Variants in SORCS2 observed in about 807,000 individuals in gnomAD.
SORCS2 encodes the protein sortilin related VPS10 domain containing receptor 2.
A neutral mutation model predicts 141.6 loss-of-function variants in SORCS2; 100 were observed. That is an observed-to-expected ratio of 0.71 (90% CI 0.60 to 0.83). SORCS2 has a LOEUF of 0.83. SORCS2 is among the 40% of genes least tolerant of loss of function. The pLI, the probability that SORCS2 is intolerant of heterozygous loss-of-function variation, is 0.00. For synonymous variants in SORCS2, 789 were observed against 676.9 expected (o/e 1.17, Z -2.57); for missense variants, 1,646 against 1,560.2 (o/e 1.05, Z -0.93).
In SORCS2 at chr4:7,648,549, C is replaced by A. The variant is rs1291122084; in HGVS notation, c.814-5585C>A. 6.6e-6 allele frequency among the ~76,000 whole-genome samples: 1 copy of A among 152,128 alleles called. No homozygotes were observed. The highest frequency in any genetic ancestry group is 1.5e-5 in the Non-Finnish European group (1 of 68,016). Reference sequence around the variant, plus strand: ...AACTGCTGGGAACAAAACAGACCAACCCCTGCCCTCGTGGGGCCTCCTTTC... The same window carrying A: ...AACTGCTGGGAACAAAACAGACCAAACCCTGCCCTCGTGGGGCCTCCTTTC... On this transcript the variant is annotated intron_variant, in intron 4 of 26. Transcript: ENST00000507866. This position sits in a 1 kb window ranked among gnomAD's most constrained non-coding sequence, Gnocchi z 4.2.
In SORCS2 at chr4:7,453,514, C is replaced by T. The variant is rs1728630818; in HGVS notation, c.548+57159C>T. ...TCAGGCTCCATGTTAGTGTCATGCG[C>T]CACGTTAGGGTCAGGCACTGTGTTG... On this transcript the variant is annotated intron_variant, in intron 2 of 26. Coordinates refer to ENST00000507866, the MANE Select transcript of SORCS2 (RefSeq NM_020777.3). Among the ~76,000 whole-genome samples the T allele has an allele frequency of 2.9e-5, 4 of 138,756 alleles. No homozygotes were observed. The South Asian group carries it at 9.4e-4, about 33-fold the overall frequency. The allele number at this position is 138,756 out of a possible 152,430, so 91.0% of individuals were successfully genotyped here. A position where few individuals can be genotyped will look rare whatever the true frequency, so the allele number is the denominator to read the frequency against.
At chr4:7,651,717 G>A (rs758866840) in intron 4 of SORCS2, among the ~76,000 whole-genome samples, 43 of 152,084 alleles carry the variant, frequency 2.8e-4, no homozygotes, top group African/African-American at 9.9e-4. Flanking sequence ...TTTTCCCTCC[G>A]CACCCTCCCC....
intron 20 of SORCS2, among the ~76,000 whole-genome samples, chr4:7,725,671 G>A (rs1479358861): frequency 1.3e-5 from 2 of 152,184 alleles, no homozygotes; most frequent in Non-Finnish European, 2.9e-5. Flanking sequence ...AGGTCAAGGG[G>A]GCTCAGAAGC....
intron 14 of SORCS2, among the ~76,000 whole-genome samples, chr4:7,706,092 G>C (rs1489261544): frequency 1.4e-5 from 2 of 143,440 alleles, no homozygotes; most frequent in Non-Finnish European, 3.1e-5. Flanking sequence ...CCTGGACAGA[G>C]ATGAGGCTGG....
At chr4:7,627,743 C>T (rs1004062364) in intron 3 of SORCS2, among the ~76,000 whole-genome samples, 2 of 152,240 alleles carry the variant, frequency 1.3e-5, no homozygotes, top group African/African-American at 4.8e-5. Flanking sequence ...CCTCGGTCCA[C>T]ACAAGAGAAG....
chr4:7,458,288 A>G (rs750997518), intron 2 of SORCS2, among the ~76,000 whole-genome samples: 6 of 151,968 alleles, frequency 3.9e-5, no homozygotes, highest in Non-Finnish European at 8.8e-5. Context: ...GGTACTCACT[A>G]CTGTAGGTAC....
chr4:7,452,670 C>T (rs375989089), intron 2 of SORCS2, among the ~76,000 whole-genome samples: 11 of 152,248 alleles, frequency 7.2e-5, no homozygotes, highest in African/African-American at 2.7e-4. Context: ...CAGCAGCTGG[C>T]TTACCACTCT....
rs761193629 is a variant in SORCS2, at chr4:7,715,266, C to T, written c.2207C>T (p.Pro736Leu). The change falls in exon 17 of 27, where the codon CCG (proline) becomes CTG (leucine). Residue 736 changes from proline (P) to leucine (L), a missense_variant. By Grantham distance (98) the Pro-to-Leu change is moderately conservative. Coordinates refer to ENST00000507866, the MANE Select transcript of SORCS2 (RefSeq NM_020777.3). The stretch of plus-strand genomic sequence containing the variant: ...AACTTCTGGTTTAACCCATTGTCCC[C>T]GCCTGACGACTGTGCCCTGGGCCAG... ...SANFWFNPLS[P>L]PDDCALGQTY... 33 of 1,613,292 alleles carry T rather than the reference C, an allele frequency of 2.0e-5. No homozygotes were observed. Among genetic ancestry groups the T allele is most frequent in the South Asian group, 5.5e-5 (5 of 91,034 alleles).
intron 1 of SORCS2, among the ~76,000 whole-genome samples, chr4:7,244,207 CA>C (rs1287473561): frequency 2.0e-5 from 3 of 152,250 alleles, no homozygotes; most frequent in Non-Finnish European, 4.4e-5. Flanking sequence ...TTGGAGCTGA[CA>C]ACTCCCAGCT....
intron 3 of SORCS2, among the ~76,000 whole-genome samples, chr4:7,617,287 A>C (rs1180963233): frequency 1.3e-5 from 2 of 151,658 alleles, no homozygotes; most frequent in Non-Finnish European, 2.9e-5. Context: ...TTATCCATCC[A>C]CCCACCTATC....
At chr4:7,332,988 T>C (rs992858700) in intron 1 of SORCS2, among the ~76,000 whole-genome samples, 2 of 152,232 alleles carry the variant, frequency 1.3e-5, no homozygotes, top group South Asian at 4.1e-4. Context: ...AGGGTTAGAA[T>C]AGGTGTTCCA....
At chr4:7,707,338 C>A (rs1338024364) in intron 14 of SORCS2, among the ~76,000 whole-genome samples, 2 of 152,124 alleles carry the variant, frequency 1.3e-5, no homozygotes, top group Non-Finnish European at 1.5e-5. Context: ...CAGCTCCTGG[C>A]CAAGGAGGAT....
intron 2 of SORCS2, among the ~76,000 whole-genome samples, chr4:7,491,831 G>C (rs1056320162): frequency 6.6e-6 from 1 of 152,200 alleles, no homozygotes; most frequent in Non-Finnish European, 1.5e-5. Flanking sequence ...CAGGTCAGGA[G>C]GGGTAGAACT....
intron 1 of SORCS2, among the ~76,000 whole-genome samples, chr4:7,392,599 C>T (rs1035449907): frequency 2.0e-5 from 3 of 152,080 alleles, no homozygotes; most frequent in Admixed American, 2.0e-4. Context: ...TTCGGGAATT[C>T]CAAAGAAGCT....
intron 12 of SORCS2, 56 bp from the exon 13 acceptor site, chr4:7,703,224 G>C (rs902771020): frequency 2.1e-6 from 3 of 1,459,138 alleles, no homozygotes; most frequent in Non-Finnish European, 2.8e-6. Context: ...GCTCAGCCTG[G>C]AACAACCTCC....
At chr4:7,726,262 A>G (rs1727213292) in intron 20 of SORCS2, among the ~76,000 whole-genome samples, 1 of 152,104 alleles carries the variant, frequency 6.6e-6, no homozygotes, top group East Asian at 1.9e-4. Flanking sequence ...GGCCTCCTAA[A>G]TGCCCGTGGG....
intron 1 of SORCS2, among the ~76,000 whole-genome samples, chr4:7,350,542 G>A (rs578050527): frequency 6.6e-6 from 1 of 152,344 alleles, no homozygotes; most frequent in South Asian, 2.1e-4. Flanking sequence ...CACCTAGCAT[G>A]CTGATGGGGT....
At chr4:7,247,655 T>C (rs2108800553) in intron 1 of SORCS2, among the ~76,000 whole-genome samples, 1 of 152,272 alleles carries the variant, frequency 6.6e-6, no homozygotes, top group Middle Eastern at 3.4e-3. Context: ...TTTTGGTGGA[T>C]GTCAAAGCCA....
chr4:7,554,567 A>G (rs1713965160), intron 3 of SORCS2, among the ~76,000 whole-genome samples: 1 of 152,124 alleles, frequency 6.6e-6, no homozygotes, highest in African/African-American at 2.4e-5. Context: ...AATTCAGCAA[A>G]CACCATTAAA....
Sources: gnomAD v4.1 joint callset for allele counts (sites outside exome capture counted in the v4.1 genomes callset) on GRCh38, gnomAD v4.1.1 for gene constraint, Gnocchi (gnomAD v3.1) non-coding constraint, MANE v1.5 for transcripts, NCBI Gene and HGNC (gene_info 2026-07-23, HGNC 2026-07-21) for gene names.